Variants in ANKS1B observed in about 807,000 individuals in gnomAD.
ANKS1B encodes the protein ankyrin repeat and sterile alpha motif domain containing 1B.
In ANKS1B, 36 loss-of-function variants were observed where a neutral mutation model predicts 148.3. The observed-to-expected ratio is 0.24, with a 90% CI of 0.19 to 0.32. The LOEUF is 0.32. ANKS1B is among the 10% of genes least tolerant of loss of function. The probability of loss-of-function intolerance (pLI) is 1.00; values close to 1 mark genes in which losing one functional copy is unlikely to be tolerated. For synonymous variants in ANKS1B, 542 were observed against 560.8 expected, an observed-to-expected ratio of 0.97 and a Z score of 0.47; for missense variants, 1,157 against 1,542.6, an observed-to-expected ratio of 0.75 and a Z score of 4.19.
chr12:99,860,259 G>A (rs1467326943), intron 1 of ANKS1B, among the ~76,000 whole-genome samples: 1 of 152,168 alleles, frequency 6.6e-6, no homozygotes, highest in Non-Finnish European at 1.5e-5. Flanking sequence ...CAAAGAACAT[G>A]AGATCTTGAG....
chr12:99,553,025 T>C (rs754591864), intron 9 of ANKS1B, among the ~76,000 whole-genome samples: 1 of 152,322 alleles, frequency 6.6e-6, no homozygotes, highest in South Asian at 2.1e-4. Context: ...GCTGACTTTA[T>C]ATCACAAAAA....
At chr12:99,333,776 C>A (rs530075724) in intron 12 of ANKS1B, among the ~76,000 whole-genome samples, 61 of 151,308 alleles carry the variant, frequency 4.0e-4, no homozygotes, top group Admixed American at 1.1e-3. Context: ...CTTTTCTAGT[C>A]CCACATTTTT....
intron 17 of ANKS1B, among the ~76,000 whole-genome samples, chr12:99,002,683 G>A (rs1282158363): frequency 2.6e-5 from 4 of 152,000 alleles, no homozygotes; most frequent in South Asian, 2.1e-4. Context: ...ATTTAATTAG[G>A]TTATTAGTAT....
chr12:99,444,598 G>A (rs2095606044), intron 10 of ANKS1B, among the ~76,000 whole-genome samples: 1 of 151,804 alleles, frequency 6.6e-6, no homozygotes, highest in South Asian at 2.1e-4. Flanking sequence ...CTTGGGAAAG[G>A]ATGAAAATTA....
intron 15 of ANKS1B, among the ~76,000 whole-genome samples, chr12:99,128,495 G>A (rs2065085505): frequency 6.6e-6 from 1 of 152,118 alleles, no homozygotes; most frequent in African/African-American, 2.4e-5. Flanking sequence ...AGAATGCTGT[G>A]TGTGCTGCAC....
intron 14 of ANKS1B, among the ~76,000 whole-genome samples, chr12:99,198,685 T>G (rs1176163824): frequency 1.3e-5 from 2 of 152,134 alleles, no homozygotes; most frequent in African/African-American, 4.8e-5. Flanking sequence ...GAAAATGTGG[T>G]CTCTTCTCTA....
intron 9 of ANKS1B, among the ~76,000 whole-genome samples, chr12:99,641,672 G>T (rs1344185514): frequency 6.6e-6 from 1 of 152,016 alleles, no homozygotes; most frequent in African/African-American, 2.4e-5. Flanking sequence ...CACTCCGTAA[G>T]CATAATACAA....
At chr12:99,676,633 G>A (rs2098574109) in intron 8 of ANKS1B, among the ~76,000 whole-genome samples, 3 of 152,174 alleles carry the variant, frequency 2.0e-5, no homozygotes, top group African/African-American at 7.2e-5. Context: ...AAAGTAAATG[G>A]TTTTCAATTT....
chr12:99,511,161 G>T (rs2096761958), intron 9 of ANKS1B, among the ~76,000 whole-genome samples: 1 of 151,924 alleles, frequency 6.6e-6, no homozygotes, highest in African/African-American at 2.4e-5. Flanking sequence ...CTGTGGGTTT[G>T]TCATATATGG....
chr12:99,970,508 T>C (rs1187913954), intron 1 of ANKS1B, among the ~76,000 whole-genome samples: 1 of 141,296 alleles, frequency 7.1e-6, no homozygotes, highest in Non-Finnish European at 1.5e-5. Flanking sequence ...TTATTATAAA[T>C]GAATCACTAA....
chr12:99,797,968 G>T (rs1165186681), intron 4 of ANKS1B, among the ~76,000 whole-genome samples: 1 of 151,784 alleles, frequency 6.6e-6, no homozygotes, highest in Non-Finnish European at 1.5e-5. Context: ...GCATTTAAAG[G>T]GATGTTTGTT....
At chr12:99,967,624 T>C (rs374623418) in intron 1 of ANKS1B, among the ~76,000 whole-genome samples, 50 of 151,854 alleles carry the variant, frequency 3.3e-4, no homozygotes, top group Admixed American at 4.6e-4. Context: ...TTCTGAAAAA[T>C]AGAACCTGGC....
intron 1 of ANKS1B, among the ~76,000 whole-genome samples, chr12:99,890,192 A>G (rs1473151044): frequency 6.6e-6 from 1 of 152,252 alleles, no homozygotes; most frequent in Admixed American, 6.5e-5. Context: ...TATGGTGCCC[A>G]GTTGTTTGGT....
chr12:99,488,927 A>G (rs1334478997), intron 10 of ANKS1B, among the ~76,000 whole-genome samples: 1 of 152,194 alleles, frequency 6.6e-6, no homozygotes, highest in East Asian at 1.9e-4. Flanking sequence ...TGACAGAGCC[A>G]TTATACTTCT....
chr12:98,847,703 C>A (rs1443161879), intron 17 of ANKS1B, among the ~76,000 whole-genome samples: 2 of 152,176 alleles, frequency 1.3e-5, no homozygotes, highest in Non-Finnish European at 2.9e-5. Flanking sequence ...TCAAACGATT[C>A]TCCTGCTTCA....
chr12:99,620,280 G>T (rs1179382281), intron 9 of ANKS1B, among the ~76,000 whole-genome samples: 2 of 152,140 alleles, frequency 1.3e-5, no homozygotes, highest in Non-Finnish European at 2.9e-5. Flanking sequence ...AAAATTTGAA[G>T]TGCCAGCATC....
At chr12:99,050,820 T>G (rs925115661) in intron 17 of ANKS1B, among the ~76,000 whole-genome samples, 9 of 150,604 alleles carry the variant, frequency 6.0e-5, no homozygotes, top group South Asian at 2.1e-4. Flanking sequence ...GCCTCCCGAG[T>G]AGCTGGGACT....
At chr12:99,955,685 T>C (rs1222734415) in intron 1 of ANKS1B, among the ~76,000 whole-genome samples, 1 of 152,040 alleles carries the variant, frequency 6.6e-6, no homozygotes, top group Non-Finnish European at 1.5e-5. Context: ...ACTTGCAGGC[T>C]TGAGTTACAA....
At chr12:99,063,523 C>T (rs977274607) in intron 16 of ANKS1B, among the ~76,000 whole-genome samples, 2 of 152,212 alleles carry the variant, frequency 1.3e-5, no homozygotes, top group African/African-American at 4.8e-5. Context: ...GGCTGATCTT[C>T]TGACCACGAG....
Sources: gnomAD v4.1 joint callset for allele counts (sites outside exome capture counted in the v4.1 genomes callset) on GRCh38, gnomAD v4.1.1 for gene constraint, MANE v1.5 for transcripts, NCBI Gene and HGNC (gene_info 2026-07-23, HGNC 2026-07-21) for gene names.